MCUR1: variants seen among roughly 807,000 people sequenced by gnomAD.
The protein encoded by MCUR1 is MCU regulator 1.
Under a neutral mutation model 42.0 loss-of-function variants are expected in MCUR1, and 37 were observed. The observed-to-expected ratio is 0.88, with a 90% CI of 0.68 to 1.16. MCUR1 has a LOEUF of 1.16. Ranked by LOEUF, MCUR1 falls within the 50% of genes most tolerant of loss-of-function variation. MCUR1 has a pLI of 0.00. For synonymous variants in MCUR1, 229 were observed against 196.2 expected, an observed-to-expected ratio of 1.17 and a Z score of -1.40; for missense variants, 469 against 468.4, an observed-to-expected ratio of 1.00 and a Z score of -0.01.
chr6:13,814,469 C>T lies in MCUR1; in HGVS notation c.-40G>A, dbSNP rs529723680. On this transcript the variant is annotated 5_prime_UTR_variant, in exon 1 of 9. Coordinates refer to ENST00000379170, the MANE Select transcript of MCUR1 (RefSeq NM_001031713.4). ...CTGGCCCGGGCGCGCGCTCATGCCT[C>T]TCGCTTTTGGCGCCGGCCACGCGCG... is the stretch of plus-strand genomic sequence containing the variant. The T allele has an allele frequency of 3.6e-5, 52 of 1,446,318 alleles. No individual in the cohort carries two copies. In the Admixed American group the frequency reaches 5.0e-4, roughly 14 times the overall value. The allele number at this position is 1,446,318 out of a possible 1,614,324, so 89.6% of individuals were successfully genotyped here. A position where few individuals can be genotyped will look rare whatever the true frequency, so the allele number is the denominator to read the frequency against.
At chr6:13,797,700 TCC>T (rs1419065651) in intron 6 of MCUR1, among the ~76,000 whole-genome samples, 6 of 140,302 alleles carry the variant, frequency 4.3e-5, no homozygotes, top group African/African-American at 1.6e-4. Context: ...AGAGCGAGAC[TCC>T]GCCTCAAACA....
intron 6 of MCUR1, among the ~76,000 whole-genome samples, chr6:13,798,489 T>C (rs1049720244): frequency 6.6e-6 from 1 of 152,106 alleles, no homozygotes; most frequent in African/African-American, 2.4e-5. Flanking sequence ...ATAATCAACT[T>C]AACTTTTACA....
At chr6:13,801,246 T>C (rs1561732761) in intron 4 of MCUR1, 42 bp downstream of exon 4, 1 of 1,291,282 alleles carries the variant, frequency 7.7e-7, no homozygotes, top group Middle Eastern at 2.1e-4. Context: ...TCTCAATGTC[T>C]TAATATAATC....
rs549354720 is a variant in MCUR1, at chr6:13,804,156, A to G, written c.536-1810T>C. 6 of 258,248 alleles carry G rather than the reference A, an allele frequency of 2.3e-5. No individual in the cohort carries two copies. In the South Asian group the frequency reaches 2.4e-4, roughly 10 times the overall value. 16.0% of individuals were successfully genotyped at this position (258,248 alleles called of 1,614,324 possible). On this transcript the variant is annotated intron_variant, in intron 2 of 8. Transcript: ENST00000379170. The stretch of plus-strand genomic sequence containing the variant: ...GCCAACATGGTGAAACCCCGTCTCT[A>G]GTAAAAATACAGAAAAATTATCCAG...
intron 2 of MCUR1, 110 bp from the exon 3 acceptor site, chr6:13,802,456 G>GT: frequency 1.3e-6 from 1 of 775,908 alleles, no homozygotes; most frequent in Non-Finnish European, 2.1e-6. Context: ...ACAGCACAGT[G>GT]TGGTAGGAGG....
chr6:13,809,180 T>C (rs1311111961), intron 1 of MCUR1, among the ~76,000 whole-genome samples: 1 of 152,216 alleles, frequency 6.6e-6, no homozygotes, highest in Non-Finnish European at 1.5e-5. Context: ...TGTGTTACAT[T>C]TGTAGATCAG....
chr6:13,803,600 C>T (rs1760041137), intron 2 of MCUR1: 1 of 295,782 alleles, frequency 3.4e-6, no homozygotes, highest in Non-Finnish European at 5.0e-6. Context: ...AACAAAAAAA[C>T]CAAAGACACA....
rs1259260835 is a variant in MCUR1 at position 13,790,664 on chromosome 6, GCTGGTCTCGAACTCC to G, written c.*130_*144del. On this transcript the variant is annotated 3_prime_UTR_variant, in exon 9 of 9. Coordinates refer to ENST00000379170, the MANE Select transcript of MCUR1 (RefSeq NM_001031713.4). ...GACGGGGTTTCACCGTGTTGGCCAG[GCTGGTCTCGAACTCC>G]TGACCTCAGGTAATCCACCTGCCTC... The G allele has an allele frequency of 3.9e-6, 2 of 513,570 alleles. No homozygotes were observed. The highest frequency in any genetic ancestry group is 3.3e-5 in the Admixed American group (1 of 29,934). The allele number at this position is 513,570 out of a possible 1,614,324, so 31.8% of individuals were successfully genotyped here. A position where few individuals can be genotyped will look rare whatever the true frequency, so the allele number is the denominator to read the frequency against.
chr6:13,810,219 T>C (rs1220848504), intron 1 of MCUR1, among the ~76,000 whole-genome samples: 1 of 151,886 alleles, frequency 6.6e-6, no homozygotes, highest in Non-Finnish European at 1.5e-5. Context: ...AAAAATTAAT[T>C]AAAAATAAAT....
intron 6 of MCUR1, among the ~76,000 whole-genome samples, chr6:13,796,695 A>G (rs1759865105): frequency 6.6e-6 from 1 of 152,206 alleles, no homozygotes; most frequent in African/African-American, 2.4e-5. Flanking sequence ...TAAAATCTAA[A>G]TGTTACATGA....
intron 7 of MCUR1, among the ~76,000 whole-genome samples, chr6:13,792,224 G>A (rs1003659074): frequency 2.0e-5 from 3 of 152,120 alleles, no homozygotes; most frequent in Non-Finnish European, 4.4e-5. Context: ...AGAACAAAAC[G>A]AAACAACCAA....
At chr6:13,792,670 T>A (rs890411548) in intron 7 of MCUR1, among the ~76,000 whole-genome samples, 18 of 152,154 alleles carry the variant, frequency 1.2e-4, no homozygotes, top group African/African-American at 4.3e-4. Flanking sequence ...GTTGTAGAAC[T>A]GCATTAAAGC....
At position 13,814,433 on chromosome 6, in the gene MCUR1, C is replaced by G. The variant is rs781298689; in HGVS notation, c.-4G>C. The G allele has an allele frequency of 1.0e-4, 159 of 1,524,612 alleles. No individual in the cohort carries two copies. The East Asian group carries it at 3.9e-3, about 38-fold the overall frequency. 94.4% of individuals were successfully genotyped at this position (1,524,612 alleles called of 1,614,324 possible). Reference sequence around the variant, plus strand: ...CGCCGACCGAGCCGCAGTCCATCCCCGAGCAGTTCACTGGCCCGGGCGCGC... The same window carrying G: ...CGCCGACCGAGCCGCAGTCCATCCCGGAGCAGTTCACTGGCCCGGGCGCGC... On this transcript the variant is annotated 5_prime_UTR_variant, in exon 1 of 9. Coordinates refer to ENST00000379170, the MANE Select transcript of MCUR1 (RefSeq NM_001031713.4).
chr6:13,791,133 G>C (rs566920035), intron 8 of MCUR1, among the ~76,000 whole-genome samples: 1 of 152,016 alleles, frequency 6.6e-6, no homozygotes, highest in Non-Finnish European at 1.5e-5. Flanking sequence ...TCAAACTCCC[G>C]GGCTCAAGTG....
chr6:13,795,964 CTT>C, intron 6 of MCUR1, among the ~76,000 whole-genome samples: 1 of 152,282 alleles, frequency 6.6e-6, no homozygotes, highest in East Asian at 1.9e-4. Context: ...ACCACAGACA[CTT>C]TTGTGTCATG....
Position 13,814,016 on chromosome 6 carries a change from T to C in MCUR1, c.414A>G (p.Arg138=). The C allele has an allele frequency of 8.1e-7, 1 of 1,232,704 alleles. No individual in the cohort carries two copies. Among genetic ancestry groups the C allele is most frequent in the Non-Finnish European group, 1.0e-6 (1 of 988,094 alleles). 76.4% of individuals were successfully genotyped at this position (1,232,704 alleles called of 1,614,324 possible). The change falls in exon 1 of 9, where the codon AGA becomes AGG. Residue 138 remains arginine, a splice_region_variant and synonymous_variant. Transcript: ENST00000379170. The part of the protein sequence containing the change: ...GPAPALVSCR[R]ELSLSAGSLQ... ...TCTCCTCTCCCGCCCGGGCCTCACC[T>C]CTCCTGCAGGAAACGAGTGCAGGCG...
intron 3 of MCUR1, among the ~76,000 whole-genome samples, chr6:13,801,895 C>T (rs74372387): frequency 6.6e-6 from 1 of 152,198 alleles, no homozygotes; most frequent in East Asian, 1.9e-4. Flanking sequence ...AACCACATAT[C>T]TGGTTATTGT....
At chr6:13,809,188 C>T (rs1025828297) in intron 1 of MCUR1, among the ~76,000 whole-genome samples, 1 of 152,170 alleles carries the variant, frequency 6.6e-6, no homozygotes, top group African/African-American at 2.4e-5. Flanking sequence ...ATTTGTAGAT[C>T]AGTTTGAAAA....
rs1360062127 is a variant in MCUR1, at chr6:13,814,197, G to C, written c.233C>G (p.Pro78Arg). Residue 78 changes from proline to arginine, a missense_variant, in exon 1 of 9, where the codon CCG becomes CGG. By Grantham distance (103) the Pro-to-Arg change is moderately radical. Transcript: ENST00000379170. Reference protein sequence around the residue: ...PLLLLLLVPSPRLAAAAPRRQ... With the variant: ...PLLLLLLVPSRRLAAAAPRRQ... ...GCGCGGGGCTGCGGCGGCCAAGCGCGGGGAGGGCACTAGCAGGAGGAGGAG... is the reference window on the plus strand; with the variant it reads ...GCGCGGGGCTGCGGCGGCCAAGCGCCGGGAGGGCACTAGCAGGAGGAGGAG... 3.6e-6 allele frequency: 5 copies of C among 1,401,426 alleles called. No individual in the cohort carries two copies. Among genetic ancestry groups the C allele is most frequent in the South Asian group, 1.5e-5 (1 of 64,982 alleles). The allele number at this position is 1,401,426 out of a possible 1,614,324, so 86.8% of individuals were successfully genotyped here.
Sources: gnomAD v4.1 joint callset for allele counts (sites outside exome capture counted in the v4.1 genomes callset) on GRCh38, gnomAD v4.1.1 for gene constraint, MANE v1.5 for transcripts, NCBI Gene and HGNC (gene_info 2026-07-23, HGNC 2026-07-21) for gene names.